MMS22L: variants seen among roughly 807,000 people sequenced by gnomAD.
MMS22L encodes MMS22 like, DNA repair protein, also known as protein MMS22-like.
In MMS22L, 74 loss-of-function variants were observed where a neutral mutation model predicts 159.1. That is an observed-to-expected ratio of 0.47 (90% CI 0.39 to 0.56). MMS22L has a LOEUF of 0.56. Among genes scored for constraint, MMS22L ranks in the 20% least tolerant of loss-of-function variants. The pLI is 0.00. For synonymous variants in MMS22L, 517 were observed against 506.9 expected (o/e 1.02, Z -0.27); for missense variants, 1,351 against 1,422.1 (o/e 0.95, Z 0.80).
chr6:97,210,071 T>A (rs936702202), intron 14 of MMS22L, among the ~76,000 whole-genome samples: 4 of 151,874 alleles, frequency 2.6e-5, no homozygotes, highest in Non-Finnish European at 5.9e-5. Flanking sequence ...ATCCTTCAGA[T>A]GAAAGAAATA....
chr6:97,155,123 A>C (rs1554255051), intron 22 of MMS22L, among the ~76,000 whole-genome samples: 1 of 151,954 alleles, frequency 6.6e-6, no homozygotes, highest in South Asian at 2.1e-4. Context: ...TTTTTTAAGA[A>C]TCCATTGTGA....
rs1393074953 is a variant in MMS22L at position 97,145,059 on chromosome 6, C to CAA, written c.*1746_*1747insTT. 2.5e-4 allele frequency: 37 copies of CAA among 146,444 alleles called. No homozygotes were observed. Among genetic ancestry groups the CAA allele is most frequent in the African/African-American group, 9.5e-4 (36 of 37,902 alleles). 9.1% of individuals were successfully genotyped at this position (146,444 alleles called of 1,614,324 possible). A position where few individuals can be genotyped will look rare whatever the true frequency, so the allele number is the denominator to read the frequency against. ...ACACACACACACACACACACACACA[C>CAA]ACACACAAAAACACATATACACATA... On this transcript the variant is annotated 3_prime_UTR_variant, in exon 25 of 25. Coordinates refer to ENST00000683635, the MANE Select transcript of MMS22L (RefSeq NM_001350599.2).
At chr6:97,163,085 T>C (rs1463540398) in intron 21 of MMS22L, among the ~76,000 whole-genome samples, 2 of 152,040 alleles carry the variant, frequency 1.3e-5, no homozygotes, top group East Asian at 3.9e-4. Context: ...ATACTACATA[T>C]TAGAAAATTC....
intron 17 of MMS22L, 112 bp downstream of exon 17, chr6:97,179,296 C>A: frequency 2.3e-6 from 2 of 875,834 alleles, no homozygotes; most frequent in East Asian, 2.8e-5. Context: ...GTATTCATAC[C>A]CAATTACGAA....
intron 23 of MMS22L, among the ~76,000 whole-genome samples, chr6:97,151,345 T>C (rs1268716549): frequency 6.6e-6 from 1 of 152,190 alleles, no homozygotes; most frequent in African/African-American, 2.4e-5. Context: ...TGCAGAGACA[T>C]GTTATACTGA....
intron 8 of MMS22L, chr6:97,263,708 CTTTT>C (rs1013916974): frequency 8.8e-6 from 2 of 227,842 alleles, no homozygotes; most frequent in Middle Eastern, 1.4e-3. Context: ...CAAACTTTCT[CTTTT>C]TTTTTTCTTT....
At chr6:97,252,787 T>C (rs1813383492) in intron 10 of MMS22L, among the ~76,000 whole-genome samples, 2 of 152,118 alleles carry the variant, frequency 1.3e-5, no homozygotes, top group Non-Finnish European at 2.9e-5. Context: ...GAGAAATATA[T>C]ACTTGGAGGA....
rs1319323381 is a variant in MMS22L at position 97,143,037 on chromosome 6, A to T, written c.*3769T>A. On this transcript the variant is annotated 3_prime_UTR_variant, in exon 25 of 25. Transcript: ENST00000683635. ...ACTCAATACTGAATGACTTTTCCACAGTCCTCCATGCTTCCTTCCTTGCCA... is the reference window on the plus strand; with the variant it reads ...ACTCAATACTGAATGACTTTTCCACTGTCCTCCATGCTTCCTTCCTTGCCA... 6.6e-6 allele frequency: 1 copy of T among 152,616 alleles called. No homozygotes were observed. The highest frequency in any genetic ancestry group is 2.4e-5 in the African/African-American group (1 of 41,452). The allele number at this position is 152,616 out of a possible 1,614,324, so 9.5% of individuals were successfully genotyped here. A position where few individuals can be genotyped will look rare whatever the true frequency, so the allele number is the denominator to read the frequency against.
chr6:97,266,749 CAAGT>C (rs1308756643), intron 8 of MMS22L: 2 of 152,156 alleles, frequency 1.3e-5, no homozygotes, highest in Admixed American at 6.5e-5. Context: ...CACAGAAAGA[CAAGT>C]AACACATAAT....
At chr6:97,224,227 C>T (rs76544978) in intron 14 of MMS22L, among the ~76,000 whole-genome samples, 1 of 152,266 alleles carries the variant, frequency 6.6e-6, no homozygotes, top group African/African-American at 2.4e-5. Context: ...TCAATGTAAA[C>T]TTAACTTCAC....
chr6:97,247,517 G>C (rs1812790085), intron 10 of MMS22L, among the ~76,000 whole-genome samples: 1 of 152,046 alleles, frequency 6.6e-6, no homozygotes. Context: ...TCACGAGTTG[G>C]AAACCAGCCT....
chr6:97,181,693 C>CT lies in MMS22L; in HGVS notation c.2384+210dup, dbSNP rs879538441. Among the ~76,000 whole-genome samples the CT allele has an allele frequency of 5.6e-4, 82 of 147,250 alleles. 1 individual carries two copies. The highest frequency in any genetic ancestry group is 4.2e-3 in the Admixed American group (62 of 14,714). On this transcript the variant is annotated intron_variant, in intron 16 of 24. Coordinates refer to ENST00000683635, the MANE Select transcript of MMS22L (RefSeq NM_001350599.2). ...AGTTTTGAAAGGGCTTAACAAACAA[C>CT]TTTTTTTTTTTAAAGCAGGCCACAA...
In MMS22L at chr6:97,173,101, A is replaced by AC; in HGVS notation, c.2800dup (p.Val934GlyfsTer28). The AC allele has an allele frequency of 6.2e-7, 1 of 1,613,256 alleles. No individual in the cohort carries two copies. The highest frequency in any genetic ancestry group is 8.5e-7 in the Non-Finnish European group (1 of 1,179,680). On this transcript the variant is annotated frameshift_variant, in exon 19 of 25. Coordinates refer to ENST00000683635, the MANE Select transcript of MMS22L (RefSeq NM_001350599.2). LOFTEE classifies it high-confidence loss of function. Reference sequence around the variant, plus strand: ...AGTCAGCTGCAGCCCTGCACTGAAAACTTTTTTTCCCAAATAAGGCTTAAT... The same window carrying AC: ...AGTCAGCTGCAGCCCTGCACTGAAAACCTTTTTTTCCCAAATAAGGCTTAAT...
At chr6:97,186,874 A>C (rs1438049107) in intron 14 of MMS22L, among the ~76,000 whole-genome samples, 184 bp from the exon 15 acceptor site, 1 of 152,236 alleles carries the variant, frequency 6.6e-6, no homozygotes, top group Non-Finnish European at 1.5e-5. Context: ...ATTAAGCATC[A>C]TAAAGTTAAT....
chr6:97,208,397 G>C (rs1808016609), intron 14 of MMS22L, among the ~76,000 whole-genome samples: 1 of 152,012 alleles, frequency 6.6e-6, no homozygotes, highest in African/African-American at 2.4e-5. Flanking sequence ...GGATACCTAA[G>C]TGCTGAAGTT....
intron 4 of MMS22L, 35 bp downstream of exon 4, chr6:97,278,814 C>T (rs1562533745): frequency 6.3e-7 from 1 of 1,584,708 alleles, no homozygotes; most frequent in East Asian, 2.2e-5. Context: ...AATGAAGCAC[C>T]ATTCCCTTTT....
At chr6:97,147,309 C>T in intron 24 of MMS22L, among the ~76,000 whole-genome samples, 1 of 152,130 alleles carries the variant, frequency 6.6e-6, no homozygotes, top group Non-Finnish European at 1.5e-5. Context: ...CAGTATATAT[C>T]CCATTTTCTT....
intron 9 of MMS22L, chr6:97,258,658 T>G (rs1475280657): frequency 6.6e-6 from 1 of 152,182 alleles, no homozygotes; most frequent in African/African-American, 2.4e-5. Context: ...CAAACCTGAC[T>G]CCAATTACCC....
At chr6:97,161,236 T>A (rs1256773747) in intron 22 of MMS22L, among the ~76,000 whole-genome samples, 1 of 152,030 alleles carries the variant, frequency 6.6e-6, no homozygotes, top group Non-Finnish European at 1.5e-5. Context: ...TAACCTCAGG[T>A]ACGCCCACAG....
Sources: allele counts gnomAD v4.1 joint callset (sites outside exome capture counted in the v4.1 genomes callset), GRCh38; gene constraint gnomAD v4.1.1; transcripts MANE v1.5; gene names NCBI Gene and HGNC (gene_info 2026-07-23, HGNC 2026-07-21).